Variants in DENND1A observed in about 807,000 individuals in gnomAD.
DENND1A encodes the protein DENN domain-containing protein 1A.
In DENND1A, 51 loss-of-function variants were observed where a neutral mutation model predicts 113.7. The ratio of observed to expected loss-of-function variants is 0.45; its 90% CI spans 0.36 to 0.57. The LOEUF is 0.57. DENND1A is among the 20% of genes least tolerant of loss of function. DENND1A has a pLI of 0.00. For synonymous variants in DENND1A, 565 were observed against 570.8 expected, an observed-to-expected ratio of 0.99 and a Z score of 0.14; for missense variants, 1,258 against 1,395.9, an observed-to-expected ratio of 0.90 and a Z score of 1.57.
At chr9:123,627,622 C>A (rs867613148) in intron 10 of DENND1A, among the ~76,000 whole-genome samples, 1 of 151,922 alleles carries the variant, frequency 6.6e-6, no homozygotes, top group Non-Finnish European at 1.5e-5. Flanking sequence ...CGCCTGTAAT[C>A]CCAGCTACTC....
chr9:123,683,320 A>C (rs1033814399), intron 5 of DENND1A, among the ~76,000 whole-genome samples: 32 of 152,354 alleles, frequency 2.1e-4, no homozygotes, highest in Middle Eastern at 6.8e-3. Context: ...AAAGAAAATG[A>C]TTTCAATATG....
chr9:123,402,642 T>C (rs1315115217), intron 21 of DENND1A: 1 of 534,330 alleles, frequency 1.9e-6, no homozygotes, highest in Non-Finnish European at 3.8e-6. Context: ...GTGTAGCCGC[T>C]GAGTTGTCTG....
At chr9:123,840,939 T>C (rs1419155308) in intron 2 of DENND1A, among the ~76,000 whole-genome samples, 2 of 152,218 alleles carry the variant, frequency 1.3e-5, no homozygotes, top group Non-Finnish European at 2.9e-5. Context: ...GCATGCAGAA[T>C]GTTAAGTGGC....
chr9:123,699,319 T>A (rs150846825), intron 5 of DENND1A, among the ~76,000 whole-genome samples: 2 of 152,110 alleles, frequency 1.3e-5, no homozygotes. Flanking sequence ...TATAAAAATA[T>A]GTAAAAAGCA....
chr9:123,729,764 A>T (rs2068017020), intron 5 of DENND1A, among the ~76,000 whole-genome samples: 1 of 152,184 alleles, frequency 6.6e-6, no homozygotes, highest in African/African-American at 2.4e-5. Context: ...ACTACTTTAA[A>T]TTTCACATGG....
intron 2 of DENND1A, among the ~76,000 whole-genome samples, chr9:123,846,256 G>A (rs1298311899): frequency 6.6e-6 from 1 of 152,182 alleles, no homozygotes; most frequent in Non-Finnish European, 1.5e-5. Flanking sequence ...ATATAAAATG[G>A]TGCAGCTGTT....
intron 2 of DENND1A, among the ~76,000 whole-genome samples, chr9:123,839,089 G>A (rs751035878): frequency 1.1e-4 from 17 of 152,180 alleles, no homozygotes; most frequent in South Asian, 2.1e-4. Context: ...CCACACGCTC[G>A]AATCGACCTT....
chr9:123,743,441 A>C (rs1487346629), intron 5 of DENND1A, among the ~76,000 whole-genome samples: 1 of 150,436 alleles, frequency 6.6e-6, no homozygotes, highest in African/African-American at 2.4e-5. Context: ...TAATAAAAAT[A>C]AAAACATAGG....
intron 12 of DENND1A, among the ~76,000 whole-genome samples, chr9:123,575,407 T>C (rs997715162): frequency 1.3e-5 from 2 of 152,144 alleles, no homozygotes; most frequent in Non-Finnish European, 2.9e-5. Context: ...CTGGCACCAA[T>C]CCACAGCCCA....
At chr9:123,901,150 T>A (rs1276068193) in intron 1 of DENND1A, among the ~76,000 whole-genome samples, 1 of 152,170 alleles carries the variant, frequency 6.6e-6, no homozygotes, top group African/African-American at 2.4e-5. Context: ...ATGTTCAGAT[T>A]GGTCTTCTGG....
At chr9:123,882,511 C>T (rs1848464660) in intron 1 of DENND1A, among the ~76,000 whole-genome samples, 1 of 152,092 alleles carries the variant, frequency 6.6e-6, no homozygotes, top group Non-Finnish European at 1.5e-5. Context: ...ACTGATTCTA[C>T]CATCAAAATA....
intron 19 of DENND1A, chr9:123,413,366 A>T: frequency 1.0e-6 from 1 of 958,686 alleles, no homozygotes; most frequent in Non-Finnish European, 1.2e-6. Flanking sequence ...TCACATTCAG[A>T]ATTCCACATG....
Position 123,916,906 on chromosome 9 carries a change from T to C in DENND1A, c.17+12983A>G, listed in dbSNP as rs562579744. 2.7e-4 allele frequency among the ~76,000 whole-genome samples: 41 copies of C among 151,904 alleles called. 2 individuals carry two copies. Among genetic ancestry groups the C allele is most frequent in the Non-Finnish European group, 5.2e-4 (35 of 67,946 alleles). ...AGAAAAAATTATAAAAACCTAACTATGGGCCAGGCACGGTGGCTCCTGCCT... is the reference window on the plus strand; with the variant it reads ...AGAAAAAATTATAAAAACCTAACTACGGGCCAGGCACGGTGGCTCCTGCCT... On this transcript the variant is annotated intron_variant, in intron 1 of 23. Coordinates refer to ENST00000394215, the MANE Select transcript of DENND1A (RefSeq NM_001352964.2).
At chr9:123,546,049 T>C (rs1405764529) in intron 13 of DENND1A, among the ~76,000 whole-genome samples, 1 of 152,170 alleles carries the variant, frequency 6.6e-6, no homozygotes, top group Non-Finnish European at 1.5e-5. Context: ...TATAGTCCTC[T>C]CTTGTGTATT....
At chr9:123,815,245 T>A (rs1312055977) in intron 2 of DENND1A, among the ~76,000 whole-genome samples, 1 of 152,262 alleles carries the variant, frequency 6.6e-6, no homozygotes, top group Non-Finnish European at 1.5e-5. Context: ...ACTGAATTTA[T>A]ACAATCTAAG....
intron 1 of DENND1A, among the ~76,000 whole-genome samples, chr9:123,901,744 C>T (rs1380837669): frequency 2.0e-5 from 3 of 152,128 alleles, no homozygotes; most frequent in African/African-American, 7.2e-5. Flanking sequence ...GTGATGTCTG[C>T]CTGTAATCCC....
chr9:123,546,551 CA>C (rs376162634), intron 13 of DENND1A, among the ~76,000 whole-genome samples: 24,859 of 138,612 alleles, frequency 0.18, 2,108 homozygotes, highest in African/African-American at 0.22. Flanking sequence ...GACTCCATCT[CA>C]AAAAAAAAAA....
At chr9:123,566,415 C>T (rs1283423775) in intron 12 of DENND1A, among the ~76,000 whole-genome samples, 1 of 152,110 alleles carries the variant, frequency 6.6e-6, no homozygotes, top group African/African-American at 2.4e-5. Flanking sequence ...TGGCTATGAC[C>T]CTACGAGCCC....
intron 9 of DENND1A, among the ~76,000 whole-genome samples, chr9:123,641,992 T>C (rs1024657903): frequency 1.3e-5 from 2 of 152,170 alleles, no homozygotes. Flanking sequence ...TCATCCAAAG[T>C]GCTTGATGTT....
Sources: allele counts gnomAD v4.1 joint callset (sites outside exome capture counted in the v4.1 genomes callset), GRCh38; gene constraint gnomAD v4.1.1; transcripts MANE v1.5; gene names NCBI Gene and HGNC (gene_info 2026-07-23, HGNC 2026-07-21).